Variants in PIGN observed in about 807,000 individuals in gnomAD.
PIGN encodes phosphatidylinositol glycan anchor biosynthesis class N.
Under a neutral mutation model 125.4 loss-of-function variants are expected in PIGN, and 117 were observed. The observed-to-expected ratio is 0.93, with a 90% confidence interval of 0.80 to 1.09. The LOEUF is 1.09. Among genes scored for constraint, PIGN ranks in the 50% least tolerant of loss-of-function variants. The pLI is 0.00. For missense variants in PIGN, 1,075 were observed against 1,094.9 expected (o/e 0.98, Z 0.26); for synonymous variants, 392 against 377.8 (o/e 1.04, Z -0.44).
Position 62,107,408 on chromosome 18 carries a change from A to T in PIGN, c.1575-323T>A, listed in dbSNP as rs545605167. 2.9e-3 allele frequency: 742 copies of T among 252,192 alleles called. 9 individuals are homozygous for T. Among genetic ancestry groups the T allele is most frequent in the Middle Eastern group, 0.011 (7 of 620 alleles). The allele number at this position is 252,192 out of a possible 1,614,324, so 15.6% of individuals were successfully genotyped here. A position where few individuals can be genotyped will look rare whatever the true frequency, so the allele number is the denominator to read the frequency against. ...TCACAAGTTTGAGACCAGCCTGGCC[A>T]ACATGGTGAAACCCCATCTCACTAA... On this transcript the variant is annotated intron_variant, in intron 17 of 30. Transcript: ENST00000640252.
At chr18:62,056,118 C>T (rs1345193472) in intron 30 of PIGN, among the ~76,000 whole-genome samples, 1 of 146,808 alleles carries the variant, frequency 6.8e-6, no homozygotes, top group African/African-American at 2.5e-5. Flanking sequence ...ATCAGACTCT[C>T]CCAAAATAGA....
intron 23 of PIGN, among the ~76,000 whole-genome samples, chr18:62,020,960 CAAA>C (rs35691307): frequency 1.3e-4 from 15 of 113,420 alleles, no homozygotes; most frequent in South Asian, 8.5e-4. Flanking sequence ...GACTCTGTCT[CAAA>C]AAAAAAAAAA....
intron 23 of PIGN, among the ~76,000 whole-genome samples, chr18:62,033,881 C>A (rs912910243): frequency 1.3e-5 from 2 of 152,190 alleles, no homozygotes; most frequent in African/African-American, 2.4e-5. Flanking sequence ...TAATCTAAGT[C>A]ATAAGTGCAT....
At chr18:62,146,392 A>C (rs1296869642) in intron 9 of PIGN, among the ~76,000 whole-genome samples, 1 of 152,188 alleles carries the variant, frequency 6.6e-6, no homozygotes, top group Non-Finnish European at 1.5e-5. Flanking sequence ...AGCTTGGGGC[A>C]AGCAGTAGAG....
At position 62,116,893 on chromosome 18, in the gene PIGN, A is replaced by G. The variant is rs148543010; in HGVS notation, c.1173-2254T>C. ...AAGCTTGTCTGAAGCTAAATTACTT[A>G]AGCTAATTTAACAGACATTCTGTTA... On this transcript the variant is annotated intron_variant, in intron 14 of 30. Transcript: ENST00000640252. Among the ~76,000 whole-genome samples the G allele has an allele frequency of 1.6e-3, 239 of 152,280 alleles. 1 individual carries two copies. Among genetic ancestry groups the G allele is most frequent in the African/African-American group, 5.4e-3 (223 of 41,580 alleles).
downstream of PIGN, among the ~76,000 whole-genome samples, chr18:62,039,742 C>A (rs2030319226): frequency 1.3e-5 from 1 of 78,932 alleles, no homozygotes; most frequent in African/African-American, 3.7e-5. Flanking sequence ...ATGTTTAGGG[C>A]CCCATCCAGG....
At chr18:62,127,867 G>A (rs958711817) in intron 14 of PIGN, among the ~76,000 whole-genome samples, 15 of 151,816 alleles carry the variant, frequency 9.9e-5, no homozygotes, top group Admixed American at 9.2e-4. Context: ...AATTATCCAG[G>A]CCATAATAAA....
At position 62,072,682 on chromosome 18, in the gene PIGN, A is replaced by G. The variant is rs747854351; in HGVS notation, c.2663T>C (p.Ile888Thr). ...ACCATATATACTATACCTTGTCCCA[A>G]TATCAAGCCAGCTGCCATAATCCTT... is the stretch of plus-strand genomic sequence containing the variant. ...LVKDYGSWLD[I>T]GTSISHYVIV... The change falls in exon 30 of 31, where the codon ATT (isoleucine) becomes ACT (threonine). Residue 888 changes from isoleucine to threonine, a missense_variant. Around this residue, in one of 3 missense-constraint regions of PIGN, gnomAD observed 915 missense variants for 908.7 expected, o/e 1.01. Transcript: ENST00000640252. 3.1e-6 allele frequency: 5 copies of G among 1,607,374 alleles called. No homozygotes were observed. The highest frequency in any genetic ancestry group is 3.4e-5 in the Admixed American group (2 of 59,318).
intron 22 of PIGN, 148 bp from the exon 23 acceptor site, chr18:62,096,098 C>T (rs2034175267): frequency 4.2e-6 from 2 of 474,668 alleles, no homozygotes; most frequent in South Asian, 8.6e-5. Flanking sequence ...AGTTCGAGAC[C>T]AGCCTTGCCA....
chr18:62,096,989 C>T (rs562216102), intron 22 of PIGN, among the ~76,000 whole-genome samples: 1 of 151,800 alleles, frequency 6.6e-6, no homozygotes, highest in Admixed American at 6.6e-5. Flanking sequence ...CCGCAATAAA[C>T]ATACGTGTGC....
Position 62,157,782 on chromosome 18 carries a change from C to G in PIGN, c.248G>C (p.Trp83Ser). Residue 83 changes from tryptophan to serine, a missense_variant, in exon 5 of 31, where the codon TGG becomes TCG. Trp to Ser is a radical substitution (Grantham distance 177). This residue lies in a region of PIGN where 152 missense variants were observed against 162.9 expected (regional missense o/e 0.93). Coordinates refer to ENST00000640252, the MANE Select transcript of PIGN (RefSeq NM_176787.5). ...IRNIIMHEGS[W>S]GISHTRVPTE... ...TGGCACACGTGTATGAGATATGCCC[C>G]AGCTGCCTTCATGCATTATGATATT... The G allele has an allele frequency of 6.2e-7, 1 of 1,611,850 alleles. No individual in the cohort carries two copies.
chr18:62,088,569 A>G, intron 25 of PIGN, 187 bp downstream of exon 25: 1 of 424,882 alleles, frequency 2.4e-6, no homozygotes, highest in Non-Finnish European at 4.2e-6. Flanking sequence ...ATACATACAT[A>G]AAATTATTTA....
chr18:62,060,634 C>T (rs1265894334), intron 30 of PIGN, among the ~76,000 whole-genome samples: 1 of 152,004 alleles, frequency 6.6e-6, no homozygotes, highest in Admixed American at 6.6e-5. Flanking sequence ...ATGATAAACA[C>T]GTTAGTTGTC....
chr18:62,177,375 T>C (rs147871057), intron 1 of PIGN, among the ~76,000 whole-genome samples: 2 of 152,334 alleles, frequency 1.3e-5, no homozygotes, highest in African/African-American at 2.4e-5. Flanking sequence ...TAATAATTTA[T>C]ATCTCTTTTG....
chr18:62,144,722 C>T (rs2036257066), intron 10 of PIGN, among the ~76,000 whole-genome samples: 1 of 152,176 alleles, frequency 6.6e-6, no homozygotes, highest in Non-Finnish European at 1.5e-5. Context: ...ATGGAGACTA[C>T]ATGGTATATA....
rs1035743375 is a variant in PIGN, at chr18:62,148,234, A to C, written c.654T>G (p.His218Gln). 1.9e-5 allele frequency: 30 copies of C among 1,544,482 alleles called. No homozygotes were observed. Among genetic ancestry groups the C allele is most frequent in the Non-Finnish European group, 2.5e-5 (29 of 1,143,852 alleles). ...LHLLGIDTNG[H>Q]AHRPSSRDYK... ...ATTACCTCGAGGATGGTCGATGAGC[A>C]TGTCCGTTTGTATCTATTCCTAATA... Residue 218 changes from histidine (H) to glutamine (Q), a missense_variant, in exon 8 of 31, where the codon CAT (histidine) becomes CAG (glutamine). This residue lies in a region of PIGN where 915 missense variants were observed against 908.7 expected (regional missense o/e 1.01). Transcript: ENST00000640252.
chr18:62,032,609 C>T (rs2030206734), intron 23 of PIGN, among the ~76,000 whole-genome samples: 1 of 152,214 alleles, frequency 6.6e-6, no homozygotes, highest in Non-Finnish European at 1.5e-5. Flanking sequence ...TCTACAGATG[C>T]TCTTATGCTG....
intron 23 of PIGN, among the ~76,000 whole-genome samples, chr18:62,020,111 T>C (rs2030035338): frequency 6.6e-6 from 1 of 152,212 alleles, no homozygotes; most frequent in Admixed American, 6.5e-5. Context: ...AAAGACTCCA[T>C]GCAACTGAGC....
downstream of PIGN, among the ~76,000 whole-genome samples, chr18:62,037,743 T>C (rs2030279571): frequency 6.6e-6 from 1 of 152,236 alleles, no homozygotes; most frequent in Non-Finnish European, 1.5e-5. Flanking sequence ...ATCTTTCCAG[T>C]GTTTGTTGCT....
Sources: allele counts gnomAD v4.1 joint callset (sites outside exome capture counted in the v4.1 genomes callset), GRCh38; gene constraint gnomAD v4.1.1; regional missense constraint gnomAD v4.1.1; transcripts MANE v1.5; gene names NCBI Gene and HGNC (gene_info 2026-07-23, HGNC 2026-07-21).